The following RNF144A variants were observed in gnomAD, a reference collection of about 807,000 sequenced individuals.
RNF144A encodes E3 ubiquitin-protein ligase RNF144A.
RNF144A carries 11 observed loss-of-function variants against 38.7 expected under a neutral mutation model. The observed-to-expected ratio is 0.28, with a 90% CI of 0.18 to 0.47. The LOEUF (loss-of-function observed/expected upper bound fraction) is 0.47, where lower values mean the gene tolerates loss of function less well. Among genes scored for constraint, RNF144A ranks in the 20% least tolerant of loss-of-function variants. RNF144A has a pLI of 0.99. For synonymous variants in RNF144A, 149 were observed against 143.9 expected (o/e 1.04, Z -0.25); for missense variants, 316 against 377.2 (o/e 0.84, Z 1.34).
chr2:6,934,161 A>G (rs1360464409), intron 1 of RNF144A, among the ~76,000 whole-genome samples: 1 of 152,194 alleles, frequency 6.6e-6, no homozygotes, highest in African/African-American at 2.4e-5. Context: ...CACATTCAAC[A>G]GTATTGGGTT....
intron 2 of RNF144A, among the ~76,000 whole-genome samples, chr2:6,967,183 G>T (rs529146796): frequency 6.6e-6 from 1 of 152,080 alleles, no homozygotes; most frequent in Admixed American, 6.6e-5. Flanking sequence ...TTATCAGTTC[G>T]TACATGTGTG....
downstream of RNF144A, among the ~76,000 whole-genome samples, chr2:7,048,347 A>T (rs578002300): frequency 6.6e-6 from 1 of 152,378 alleles, no homozygotes; most frequent in Non-Finnish European, 1.5e-5. Flanking sequence ...TGTTGTTCAC[A>T]GGAGAAACTA....
rs138200832 is a variant in RNF144A at position 6,941,572 on chromosome 2, G to A, written c.-12+425G>A. On this transcript the variant is annotated intron_variant, in intron 2 of 8. Coordinates refer to ENST00000320892, the MANE Select transcript of RNF144A (RefSeq NM_014746.6). The surrounding 1 kb of genome is among the most constrained non-coding windows in gnomAD (Gnocchi z 6.5). ...TGTGAGGAATACAAGTGGAGGATGG[G>A]GGTAGGGACAGTCAGGAAGAGACAG... 2.0e-5 allele frequency among the ~76,000 whole-genome samples: 3 copies of A among 152,288 alleles called. No homozygotes were observed. The highest frequency in any genetic ancestry group is 4.4e-5 in the Non-Finnish European group (3 of 68,024).
chr2:6,949,207 A>G (rs895646278), intron 2 of RNF144A, among the ~76,000 whole-genome samples: 2 of 152,232 alleles, frequency 1.3e-5, no homozygotes, highest in Non-Finnish European at 2.9e-5. Flanking sequence ...AATCAGAATG[A>G]AGAGCCTGCT....
In RNF144A at chr2:7,040,991, A is replaced by T. The variant is rs1673012342; in HGVS notation, c.*1231A>T. 2.0e-6 allele frequency: 2 copies of T among 985,200 alleles called. No individual in the cohort carries two copies. Among genetic ancestry groups the T allele is most frequent in the African/African-American group, 1.7e-5 (1 of 57,252 alleles). The allele number at this position is 985,200 out of a possible 1,614,324, so 61.0% of individuals were successfully genotyped here. A position where few individuals can be genotyped will look rare whatever the true frequency, so the allele number is the denominator to read the frequency against. On this transcript the variant is annotated 3_prime_UTR_variant, in exon 9 of 9. Coordinates refer to ENST00000320892, the MANE Select transcript of RNF144A (RefSeq NM_014746.6). ...CAGCAGGATGCAGGGATTAATAAGG[A>T]CACATACACATTATTCCACCAATTG... is the stretch of plus-strand genomic sequence containing the variant.
chr2:6,921,594 G>A (rs745572928), intron 1 of RNF144A, among the ~76,000 whole-genome samples: 7 of 152,220 alleles, frequency 4.6e-5, no homozygotes, highest in Non-Finnish European at 8.8e-5. Flanking sequence ...TGAACCCAGA[G>A]GCCTGCAGAT....
intron 1 of RNF144A, chr2:6,918,188 G>C (rs1664265415): frequency 6.6e-6 from 1 of 152,344 alleles, no homozygotes; most frequent in Non-Finnish European, 1.5e-5. Context: ...TGCGCGCGGG[G>C]TCCGCGGCTG....
chr2:7,027,163 C>T (rs1671962158), intron 7 of RNF144A, among the ~76,000 whole-genome samples: 1 of 152,164 alleles, frequency 6.6e-6, no homozygotes, highest in Non-Finnish European at 1.5e-5. Context: ...ATGAATATTT[C>T]AGACCGCCTC....
In RNF144A at chr2:7,031,288, C is replaced by T. The variant is rs541418931; in HGVS notation, c.747+1073C>T. 3.9e-5 allele frequency among the ~76,000 whole-genome samples: 6 copies of T among 152,294 alleles called. No homozygotes were observed. In the East Asian group the frequency reaches 1.2e-3, roughly 29 times the overall value. ...ACACATATTTATAGCCTACCGTGTG[C>T]TGGGTACTGCTGTAGGAGCTGGAGA... On this transcript the variant is annotated intron_variant, in intron 8 of 8. Coordinates refer to ENST00000320892, the MANE Select transcript of RNF144A (RefSeq NM_014746.6).
At position 6,996,991 on chromosome 2, in the gene RNF144A, T is replaced by C. The variant is rs1214071362; in HGVS notation, c.65T>C (p.Leu22Pro). The C allele has an allele frequency of 1.9e-6, 3 of 1,614,150 alleles. No individual in the cohort carries two copies. Among genetic ancestry groups the C allele is most frequent in the Non-Finnish European group, 2.5e-6 (3 of 1,179,986 alleles). ...LALDPLVSCKLCLGEYPVEQM... is the reference protein window; with the variant it reads ...LALDPLVSCKPCLGEYPVEQM... Reference sequence around the variant, plus strand: ...CTCGACCCGCTGGTGTCTTGCAAGCTCTGTCTTGGGGAGTACCCAGTGGAG... The same window carrying C: ...CTCGACCCGCTGGTGTCTTGCAAGCCCTGTCTTGGGGAGTACCCAGTGGAG... The change falls in exon 3 of 9, where the codon CTC becomes CCC. Residue 22 changes from leucine (L) to proline (P), a missense_variant. By Grantham distance (98) the Leu-to-Pro change is moderately conservative. Coordinates refer to ENST00000320892, the MANE Select transcript of RNF144A (RefSeq NM_014746.6).
chr2:6,970,111 G>A (rs1667915390), intron 2 of RNF144A, among the ~76,000 whole-genome samples: 1 of 152,212 alleles, frequency 6.6e-6, no homozygotes, highest in African/African-American at 2.4e-5. Flanking sequence ...AGGTGTATAT[G>A]GAGCAAAAGT....
intron 1 of RNF144A, among the ~76,000 whole-genome samples, chr2:6,919,876 G>A (rs1187947108): frequency 1.3e-5 from 2 of 152,204 alleles, no homozygotes; most frequent in African/African-American, 4.8e-5. Context: ...GCACCCCCAG[G>A]TCATCTGTGC....
intron 1 of RNF144A, among the ~76,000 whole-genome samples, chr2:6,925,497 A>G (rs1015036678): frequency 6.6e-5 from 10 of 151,818 alleles, no homozygotes; most frequent in Admixed American, 1.3e-4. Context: ...TCTTGTTATC[A>G]TGTGTAGGGG....
At chr2:7,029,380 C>T (rs1672129303) in intron 7 of RNF144A, among the ~76,000 whole-genome samples, 1 of 152,188 alleles carries the variant, frequency 6.6e-6, no homozygotes, top group African/African-American at 2.4e-5. Context: ...CTGGGGAACA[C>T]ACTTAGAGAG....
intron 2 of RNF144A, among the ~76,000 whole-genome samples, chr2:6,980,684 C>T (rs964737505): frequency 6.6e-6 from 1 of 152,212 alleles, no homozygotes; most frequent in African/African-American, 2.4e-5. Context: ...CCAGTGCAAG[C>T]TGTTGGTGGA....
At chr2:7,039,588 C>G (rs1672917857) in intron 8 of RNF144A, 41 bp from the exon 9 acceptor site, 1 of 1,609,702 alleles carries the variant, frequency 6.2e-7, no homozygotes, top group Non-Finnish European at 8.5e-7. Context: ...AACCTACAGA[C>G]CAGCCCTCCT....
intron 2 of RNF144A, among the ~76,000 whole-genome samples, chr2:6,945,687 G>A (rs747897238): frequency 6.6e-5 from 10 of 151,608 alleles, no homozygotes; most frequent in Non-Finnish European, 1.0e-4. Flanking sequence ...GCTGACTTCT[G>A]TTTGTAAGAA....
intron 5 of RNF144A, among the ~76,000 whole-genome samples, chr2:7,018,661 A>G (rs1417403494): frequency 6.6e-6 from 1 of 152,252 alleles, no homozygotes; most frequent in Non-Finnish European, 1.5e-5. Context: ...AGCTAGGAAC[A>G]TTCTTAGAAA....
rs1673087227 is a variant in RNF144A, at chr2:7,042,212, C to T, written c.*2452C>T. 1 of 985,428 alleles carries T rather than the reference C, an allele frequency of 1.0e-6. No individual in the cohort carries two copies. 61.0% of individuals were successfully genotyped at this position (985,428 alleles called of 1,614,324 possible). ...TTTTAGTAAGGAGTGCCAGACTTATCTTTGATGGGAATACAGTATGAACCC... is the reference window on the plus strand; with the variant it reads ...TTTTAGTAAGGAGTGCCAGACTTATTTTTGATGGGAATACAGTATGAACCC... On this transcript the variant is annotated 3_prime_UTR_variant, in exon 9 of 9. Coordinates refer to ENST00000320892, the MANE Select transcript of RNF144A (RefSeq NM_014746.6).
Sources: gnomAD v4.1 joint callset for allele counts (sites outside exome capture counted in the v4.1 genomes callset) on GRCh38, gnomAD v4.1.1 for gene constraint, Gnocchi (gnomAD v3.1) non-coding constraint, MANE v1.5 for transcripts, NCBI Gene and HGNC (gene_info 2026-07-23, HGNC 2026-07-21) for gene names.